The following CTRC variants were observed in gnomAD, a reference collection of about 807,000 sequenced individuals.
CTRC encodes the protein chymotrypsin C.
Under a neutral mutation model 35.7 loss-of-function variants are expected in CTRC, and 32 were observed. The ratio of observed to expected loss-of-function variants is 0.90; its 90% confidence interval spans 0.68 to 1.20. The LOEUF is 1.20. Among genes scored for constraint, CTRC ranks in the 50% most tolerant of loss-of-function variants. The pLI is 0.00. For missense variants in CTRC, 324 were observed against 361.5 expected (o/e 0.90, Z 0.84); for synonymous variants, 119 against 149.5 (o/e 0.80, Z 1.49).
At chr1:15,445,099 C>T (rs1296888664) in intron 6 of CTRC, among the ~76,000 whole-genome samples, 2 of 152,204 alleles carry the variant, frequency 1.3e-5, no homozygotes, top group Admixed American at 1.3e-4. Context: ...AGAGGCTTCA[C>T]TGAAGTCTCT....
chr1:15,441,415 G>A (rs1448704518), intron 3 of CTRC, among the ~76,000 whole-genome samples: 1 of 152,132 alleles, frequency 6.6e-6, no homozygotes, highest in Non-Finnish European at 1.5e-5. Context: ...AAGCCTTGGA[G>A]GAGAGACCTG....
In CTRC at chr1:15,443,362, T is replaced by C. The variant is rs564398323; in HGVS notation, c.357-57T>C. On this transcript the variant is annotated intron_variant, in intron 4 of 7. Coordinates refer to ENST00000375949, the MANE Select transcript of CTRC (RefSeq NM_007272.3). ...AACTCACAGCCCGAGCCCCTTAGCC[T>C]GAGCTTGTGGGGCCAGGGCCCTCCT... 2.5e-6 allele frequency: 4 copies of C among 1,612,334 alleles called. No homozygotes were observed. The South Asian group carries it at 4.4e-5, about 18-fold the overall frequency.
chr1:15,444,312 T>G (rs548704822), intron 5 of CTRC, among the ~76,000 whole-genome samples: 1 of 151,932 alleles, frequency 6.6e-6, no homozygotes, highest in South Asian at 2.1e-4. Context: ...AAAGGCTTTT[T>G]AATGGGTGAC....
At chr1:15,445,553 C>CT (rs754538818) in intron 6 of CTRC, 44 bp from the exon 7 acceptor site, 6 of 1,603,064 alleles carry the variant, frequency 3.7e-6, no homozygotes, top group East Asian at 4.5e-5. Flanking sequence ...AAGACTTCCT[C>CT]TGGGGGGGGG....
intron 5 of CTRC, among the ~76,000 whole-genome samples, chr1:15,443,922 T>C (rs1238717559): frequency 6.6e-6 from 1 of 152,104 alleles, no homozygotes; most frequent in African/African-American, 2.4e-5. Context: ...CATGAAACTA[T>C]GGGAGACTTA....
intron 1 of CTRC, 121 bp downstream of exon 1, chr1:15,438,625 G>A (rs959377063): frequency 2.6e-6 from 3 of 1,133,054 alleles, no homozygotes; most frequent in Non-Finnish European, 4.0e-6. Flanking sequence ...GGGGTCCCCT[G>A]TGGGTTCAGA....
intron 1 of CTRC, among the ~76,000 whole-genome samples, chr1:15,439,020 C>A (rs1278704023): frequency 6.6e-6 from 1 of 152,186 alleles, no homozygotes; most frequent in African/African-American, 2.4e-5. Context: ...CAGCTAACAA[C>A]AACAACAGTA....
intron 7 of CTRC, among the ~76,000 whole-genome samples, chr1:15,446,100 ACT>A (rs1238915766): frequency 2.0e-5 from 3 of 151,834 alleles, no homozygotes; most frequent in Non-Finnish European, 2.9e-5. Context: ...TCACACATTC[ACT>A]CTCTCATTCA....
At chr1:15,443,628 CTT>C (rs1449770974) in intron 5 of CTRC, 73 bp downstream of exon 5, 14 of 1,599,840 alleles carry the variant, frequency 8.8e-6, no homozygotes, top group Non-Finnish European at 1.2e-5. Flanking sequence ...TTGTCCACCA[CTT>C]TGCCTTTTTG....
At chr1:15,438,910 A>G (rs1708081555) in intron 1 of CTRC, among the ~76,000 whole-genome samples, 1 of 152,192 alleles carries the variant, frequency 6.6e-6, no homozygotes, top group South Asian at 2.1e-4. Flanking sequence ...GACTTAGCTT[A>G]AATGCCACTT....
intron 4 of CTRC, among the ~76,000 whole-genome samples, chr1:15,443,131 G>A (rs1283473960): frequency 6.6e-6 from 1 of 152,212 alleles, no homozygotes; most frequent in Non-Finnish European, 1.5e-5. Flanking sequence ...TGGACCCACA[G>A]CCAGCAGTGG....
chr1:15,440,254 G>A (rs1296645995), intron 1 of CTRC, 46 bp from the exon 2 acceptor site: 2 of 943,896 alleles, frequency 2.1e-6, no homozygotes, highest in African/African-American at 3.4e-5. Context: ...TTCCCCGTGG[G>A]CTACCAGCCC....
At chr1:15,445,331 T>G (rs1708200069) in intron 6 of CTRC, among the ~76,000 whole-genome samples, 1 of 152,166 alleles carries the variant, frequency 6.6e-6, no homozygotes, top group Non-Finnish European at 1.5e-5. Context: ...CTAGGGAAAC[T>G]GAGGCACGGA....
At chr1:15,442,350 C>G (rs1038486196) in intron 3 of CTRC, 97 bp from the exon 4 acceptor site, 1 of 1,471,074 alleles carries the variant, frequency 6.8e-7, no homozygotes, top group South Asian at 1.2e-5. Flanking sequence ...CTCTCTTCCC[C>G]CAAAATGAGT....
chr1:15,441,470 A>C (rs1708131325), intron 3 of CTRC, among the ~76,000 whole-genome samples: 2 of 152,076 alleles, frequency 1.3e-5, no homozygotes, highest in African/African-American at 4.8e-5. Flanking sequence ...TGGCAGGGGC[A>C]GCGTGTGCTA....
At position 15,444,822 on chromosome 1, in the gene CTRC, A is replaced by T. The variant is rs1553134870; in HGVS notation, c.639+71A>T. On this transcript the variant is annotated intron_variant, in intron 6 of 7. Coordinates refer to ENST00000375949, the MANE Select transcript of CTRC (RefSeq NM_007272.3). ...GTGGATGTGGGCAAAGGGGGGTGCGATGGACCAAACCCTTCTCCTGGGAGG... is the reference window on the plus strand; with the variant it reads ...GTGGATGTGGGCAAAGGGGGGTGCGTTGGACCAAACCCTTCTCCTGGGAGG... 4 of 1,598,456 alleles carry T rather than the reference A, an allele frequency of 2.5e-6. No homozygotes were observed. In the South Asian group the frequency reaches 4.4e-5, roughly 18 times the overall value.
In CTRC at chr1:15,444,280, A is replaced by T. The variant is rs988794374; in HGVS notation, c.494-326A>T. Among the ~76,000 whole-genome samples, 6 of 152,176 alleles carry T rather than the reference A, an allele frequency of 3.9e-5. No homozygotes were observed. The East Asian group carries it at 7.7e-4, about 20-fold the overall frequency. ...TGTATCAAAAAAAAAAAGAAAGAGA[A>T]ATAGAAAATCTTGGGGGTGAGAAAG... On this transcript the variant is annotated intron_variant, in intron 5 of 7. Coordinates refer to ENST00000375949, the MANE Select transcript of CTRC (RefSeq NM_007272.3).
intron 1 of CTRC, among the ~76,000 whole-genome samples, chr1:15,439,952 G>A (rs554225900): frequency 1.8e-4 from 27 of 152,172 alleles, no homozygotes; most frequent in Non-Finnish European, 3.2e-4. Flanking sequence ...ATGTTGGCCA[G>A]GCTGGTGTCA....
At chr1:15,440,226 G>GGGGGGGCC in intron 1 of CTRC, 74 bp from the exon 2 acceptor site, 2 of 523,576 alleles carry the variant, frequency 3.8e-6, no homozygotes, top group Non-Finnish European at 3.7e-6. Flanking sequence ...TCTTCCACCT[G>GGGGGGGCC]CCCACCCTCC....
Sources: gnomAD v4.1 joint callset for allele counts (sites outside exome capture counted in the v4.1 genomes callset) on GRCh38, gnomAD v4.1.1 for gene constraint, MANE v1.5 for transcripts, NCBI Gene and HGNC (gene_info 2026-07-23, HGNC 2026-07-21) for gene names.